DDX42: variants seen among roughly 807,000 people sequenced by gnomAD.
DDX42 encodes DEAD-box helicase 42.
A neutral mutation model predicts 101.5 loss-of-function variants in DDX42; 22 were observed. That is an observed-to-expected ratio of 0.22 (90% CI 0.15 to 0.31). The LOEUF (loss-of-function observed/expected upper bound fraction) is 0.31. Ranked by LOEUF, DDX42 falls within the 10% of genes least tolerant of loss-of-function variation. The pLI is 1.00. For missense variants in DDX42, 849 were observed against 1,199.9 expected, an observed-to-expected ratio of 0.71 and a Z score of 4.32; for synonymous variants, 402 against 401.2, an observed-to-expected ratio of 1.00 and a Z score of -0.02.
intron 10 of DDX42, 136 bp downstream of exon 10, chr17:63,809,084 T>G (rs1367968774): frequency 7.9e-7 from 1 of 1,267,790 alleles, no homozygotes; most frequent in Non-Finnish European, 1.1e-6. Context: ...GGCTGTGGTT[T>G]TAATTTTGAT....
chr17:63,800,624 T>C lies in DDX42; in HGVS notation c.621+7T>C. The C allele has an allele frequency of 6.2e-7, 1 of 1,609,890 alleles. No individual in the cohort carries two copies. The highest frequency in any genetic ancestry group is 8.5e-7 in the Non-Finnish European group (1 of 1,178,606). On this transcript the variant is annotated splice_region_variant and intron_variant, in intron 6 of 17. Coordinates refer to ENST00000389924, the MANE Select transcript of DDX42 (RefSeq NM_203499.3). Reference sequence around the variant, plus strand: ...CCCCATTGATCATTCAGAGGTATGGTGTTTCTTGCTGAATTTTACTCTTGT... The same window carrying C: ...CCCCATTGATCATTCAGAGGTATGGCGTTTCTTGCTGAATTTTACTCTTGT...
At chr17:63,780,700 G>A (rs192711452) in intron 1 of DDX42, among the ~76,000 whole-genome samples, 5 of 152,302 alleles carry the variant, frequency 3.3e-5, no homozygotes, top group Admixed American at 1.3e-4. Context: ...GCTAAGTCTT[G>A]AGAGCCAGTA....
At chr17:63,814,731 C>T (rs11656575) in intron 15 of DDX42, among the ~76,000 whole-genome samples, 34,085 of 146,682 alleles carry the variant, frequency 0.23, 4,208 homozygotes, top group Middle Eastern at 0.32. Flanking sequence ...ACTCTATCAC[C>T]CAGGCTGGAG....
rs1482112234 is a variant in DDX42, at chr17:63,812,042, C to A, written c.1509C>A (p.Leu503=). 6.2e-7 allele frequency: 1 copy of A among 1,614,222 alleles called. No homozygotes were observed. The highest frequency in any genetic ancestry group is 1.7e-5 in the Admixed American group (1 of 60,030). Residue 503 remains leucine, a synonymous_variant, in exon 14 of 18, where the codon CTC becomes CTA. Coordinates refer to ENST00000389924, the MANE Select transcript of DDX42 (RefSeq NM_203499.3). ...VEFTSSGSVL[L]FVTKKANAEE... is the part of the protein sequence containing the mutation. ...TTACCTCTTCAGGGAGTGTCCTCCT[C>A]TTTGTTACTAAAAAAGCCAATGCTG... is the stretch of plus-strand genomic sequence containing the variant.
intron 1 of DDX42, among the ~76,000 whole-genome samples, chr17:63,779,268 G>A (rs2039458140): frequency 6.6e-6 from 1 of 151,752 alleles, no homozygotes; most frequent in African/African-American, 2.4e-5. Context: ...TGTTTGTTTT[G>A]GTTTTGTTTT....
At position 63,787,238 on chromosome 17, in the gene DDX42, A is replaced by G. The variant is rs759608225; in HGVS notation, c.189A>G (p.Gly63=). ...AGCTTCCTTCTTTCTACAAAATTGG[A>G]TCTAAGCGGGCCAACTTTGATGAAG... ...PPQLPSFYKI[G]SKRANFDEEN... is the part of the protein sequence containing the mutation. Residue 63 remains glycine (G), a synonymous_variant, in exon 2 of 18, where the codon GGA becomes GGG. Transcript: ENST00000389924. The G allele has an allele frequency of 1.9e-6, 3 of 1,614,166 alleles. No individual in the cohort carries two copies. The highest frequency in any genetic ancestry group is 2.2e-5 in the East Asian group (1 of 44,882).
chr17:63,790,060 A>G (rs2039606709), intron 2 of DDX42, among the ~76,000 whole-genome samples: 1 of 152,122 alleles, frequency 6.6e-6, no homozygotes. Flanking sequence ...AGGTGGAAAG[A>G]CTGCTTGAGC....
At chr17:63,806,285 TAAG>T (rs1188809064) in intron 7 of DDX42, 6 of 300,128 alleles carry the variant, frequency 2.0e-5, no homozygotes, top group East Asian at 6.1e-5. Context: ...AATTTTGAGT[TAAG>T]AAATTTTTAA....
At chr17:63,795,148 T>G (rs566578742) in intron 3 of DDX42, among the ~76,000 whole-genome samples, 1 of 152,300 alleles carries the variant, frequency 6.6e-6, no homozygotes. Flanking sequence ...TCTTGTCTAA[T>G]AGTTCAGACT....
At chr17:63,788,970 C>G (rs1361502942) in intron 2 of DDX42, among the ~76,000 whole-genome samples, 1 of 152,112 alleles carries the variant, frequency 6.6e-6, no homozygotes, top group Non-Finnish European at 1.5e-5. Context: ...TCAAGGCTCA[C>G]TGCAGTCTCG....
At chr17:63,795,523 TA>T (rs58941073) in intron 3 of DDX42, among the ~76,000 whole-genome samples, 105,643 of 152,004 alleles carry the variant, frequency 0.7, 37,988 homozygotes, top group African/African-American at 0.9. Flanking sequence ...GGCTAATTTT[TA>T]GAAAATATTT....
In DDX42 at chr17:63,807,810, G is replaced by T; in HGVS notation, c.933G>T (p.Met311Ile). 1 of 1,614,174 alleles carries T rather than the reference G, an allele frequency of 6.2e-7. No homozygotes were observed. Among genetic ancestry groups the T allele is most frequent in the Non-Finnish European group, 8.5e-7 (1 of 1,180,022 alleles). The stretch of plus-strand genomic sequence containing the variant: ...AAACTGCAGCCTTCATTTGGCCCAT[G>T]TTGATTCATATAATGGACCAGAAGG... ...SGKTAAFIWP[M>I]LIHIMDQKEL... The change falls in exon 9 of 18, where the codon ATG (methionine) becomes ATT (isoleucine). Residue 311 changes from methionine to isoleucine, a missense_variant. Around this residue, in one of 5 missense-constraint regions of DDX42, gnomAD observed 370 missense variants for 608.8 expected, o/e 0.61. Coordinates refer to ENST00000389924, the MANE Select transcript of DDX42 (RefSeq NM_203499.3).
In DDX42 at chr17:63,778,863, TCTC is replaced by T. The variant is rs2039452745; in HGVS notation, c.-17+4490_-17+4492del. 2.0e-5 allele frequency among the ~76,000 whole-genome samples: 3 copies of T among 152,072 alleles called. No homozygotes were observed. In the South Asian group the frequency reaches 6.2e-4, roughly 32 times the overall value. On this transcript the variant is annotated intron_variant, in intron 1 of 17. Coordinates refer to ENST00000389924, the MANE Select transcript of DDX42 (RefSeq NM_203499.3). The stretch of plus-strand genomic sequence containing the variant: ...ACCATGTTGGCCAGGATGGTCTTGA[TCTC>T]CTGACCTTGTGATCCGTCCACCTCG...
intron 11 of DDX42, 147 bp from the exon 12 acceptor site, chr17:63,810,366 C>T (rs2039895018): frequency 1.6e-6 from 1 of 635,080 alleles, no homozygotes; most frequent in Non-Finnish European, 2.5e-6. Flanking sequence ...GCTAGGATTA[C>T]AGGCATGAGC....
chr17:63,804,182 T>C (rs527559095), intron 6 of DDX42, among the ~76,000 whole-genome samples: 1 of 152,100 alleles, frequency 6.6e-6, no homozygotes, highest in South Asian at 2.1e-4. Flanking sequence ...TGGTGGTGCA[T>C]GCTTGGAGTC....
chr17:63,799,272 T>C (rs951015419), intron 4 of DDX42, among the ~76,000 whole-genome samples: 1 of 152,186 alleles, frequency 6.6e-6, no homozygotes, highest in Non-Finnish European at 1.5e-5. Context: ...CATTGTTTGT[T>C]GTATGGATTC....
chr17:63,815,330 G>A (rs888357778), intron 15 of DDX42, among the ~76,000 whole-genome samples: 5 of 152,154 alleles, frequency 3.3e-5, no homozygotes, highest in African/African-American at 1.2e-4. Context: ...TTGAGGGAGG[G>A]AGCACTGTAG....
chr17:63,798,255 A>G (rs1721878347), intron 4 of DDX42, 156 bp downstream of exon 4: 1 of 616,290 alleles, frequency 1.6e-6, no homozygotes, highest in Non-Finnish European at 2.8e-6. Flanking sequence ...AAGAATAGAG[A>G]TGGCAACAGT....
chr17:63,774,232 G>A lies in DDX42; in HGVS notation c.-161G>A. On this transcript the variant is annotated 5_prime_UTR_variant, in exon 1 of 18. Transcript: ENST00000389924. ...TGGCGGTGGTGGCGGTGGCGGCGGC[G>A]GTGGTGGTGGTGGCGGCGGCGGCGG... 1 of 199,748 alleles carries A rather than the reference G, an allele frequency of 5.0e-6. No homozygotes were observed. The highest frequency in any genetic ancestry group is 1.2e-4 in the South Asian group (1 of 8,472). The allele number at this position is 199,748 out of a possible 1,614,324, so 12.4% of individuals were successfully genotyped here. A position where few individuals can be genotyped will look rare whatever the true frequency, so the allele number is the denominator to read the frequency against.
Sources: allele counts gnomAD v4.1 joint callset (sites outside exome capture counted in the v4.1 genomes callset), GRCh38; gene constraint gnomAD v4.1.1; regional missense constraint gnomAD v4.1.1; transcripts MANE v1.5; gene names NCBI Gene and HGNC (gene_info 2026-07-23, HGNC 2026-07-21).